The following RELN variants were observed in gnomAD, a reference collection of about 807,000 sequenced individuals.
The protein encoded by RELN is reelin.
RELN carries 108 observed loss-of-function variants against 427.6 expected under a neutral mutation model. The ratio of observed to expected loss-of-function variants is 0.25; its 90% confidence interval spans 0.22 to 0.30. The LOEUF is 0.30. Among genes scored for constraint, RELN ranks in the 10% least tolerant of loss-of-function variants. The pLI, the probability that RELN is intolerant of heterozygous loss-of-function variation, is 1.00. For synonymous variants in RELN, 1,524 were observed against 1,513.4 expected, an observed-to-expected ratio of 1.01 and a Z score of -0.16; for missense variants, 3,715 against 4,302.8, an observed-to-expected ratio of 0.86 and a Z score of 3.82.
chr7:103,845,081 C>T (rs1337532472), intron 2 of RELN, among the ~76,000 whole-genome samples: 1 of 152,092 alleles, frequency 6.6e-6, no homozygotes, highest in South Asian at 2.1e-4. Flanking sequence ...AATGTTTTGT[C>T]TAAATAACCT....
chr7:103,604,627 T>C, intron 22 of RELN, 144 bp from the exon 23 acceptor site: 2 of 778,860 alleles, frequency 2.6e-6, no homozygotes, highest in Non-Finnish European at 4.4e-6. Context: ...TAATTTCCAC[T>C]CAATTATTGT....
chr7:103,654,109 G>A lies in RELN; in HGVS notation c.1538C>T (p.Ser513Phe). The change falls in exon 13 of 65, where the codon TCC becomes TTC. Residue 513 changes from serine (S) to phenylalanine (F), a missense_variant. Ser to Phe is a radical substitution (Grantham distance 155). Coordinates refer to ENST00000428762, the MANE Select transcript of RELN (RefSeq NM_005045.4). ...RKEHITLDTL[S>F]YSSYKVPSLV... ...CATGTGTACCTTATATGAGGAATAG[G>A]AAAGGGTATCCAGTGTTATATGCTC... 1 of 1,581,454 alleles carries A rather than the reference G, an allele frequency of 6.3e-7. No individual in the cohort carries two copies. Among genetic ancestry groups the A allele is most frequent in the Non-Finnish European group, 8.7e-7 (1 of 1,150,878 alleles).
At chr7:103,564,230 G>C (rs982893106) in intron 34 of RELN, among the ~76,000 whole-genome samples, 4 of 152,168 alleles carry the variant, frequency 2.6e-5, no homozygotes, top group African/African-American at 9.7e-5. Context: ...AAATGTTTTG[G>C]CTTCCTGAAT....
intron 8 of RELN, among the ~76,000 whole-genome samples, chr7:103,708,238 C>A (rs570214351): frequency 3.3e-5 from 5 of 152,164 alleles, no homozygotes; most frequent in Non-Finnish European, 7.4e-5. Context: ...ATGAGTCGAC[C>A]AACTATTAAA....
At chr7:103,503,290 G>T in intron 51 of RELN, 60 bp from the exon 52 acceptor site, 2 of 1,491,308 alleles carry the variant, frequency 1.3e-6, no homozygotes, top group Non-Finnish European at 1.9e-6. Flanking sequence ...TCTTCTCCAA[G>T]GACTTGGCAG....
chr7:103,607,591 A>C (rs1831849226), intron 22 of RELN, among the ~76,000 whole-genome samples: 2 of 152,236 alleles, frequency 1.3e-5, no homozygotes, highest in Non-Finnish European at 2.9e-5. Context: ...ACTTGCATTT[A>C]AAATCTAAAC....
At position 103,983,863 on chromosome 7, in the gene RELN, CTGTGTGTG is replaced by C. The variant is rs59702742; in HGVS notation, c.226+5260_226+5267del. On this transcript the variant is annotated intron_variant, in intron 1 of 64. Transcript: ENST00000428762. ...ATGTGACACAAAGAACTTCATATTT[CTGTGTGTG>C]TGTGTGTGTGTGTGTGTGTGTGTGT... Among the ~76,000 whole-genome samples, 59 of 148,516 alleles carry C rather than the reference CTGTGTGTG, an allele frequency of 4.0e-4. No individual in the cohort carries two copies. The East Asian group carries it at 5.1e-3, about 13-fold the overall frequency.
At chr7:103,705,171 T>C (rs978515905) in intron 8 of RELN, among the ~76,000 whole-genome samples, 1 of 152,206 alleles carries the variant, frequency 6.6e-6, no homozygotes, top group Non-Finnish European at 1.5e-5. Flanking sequence ...AATATATGTA[T>C]ACATTCCAGA....
intron 1 of RELN, among the ~76,000 whole-genome samples, chr7:103,945,811 G>A (rs951368876): frequency 2.6e-5 from 4 of 152,036 alleles, no homozygotes; most frequent in African/African-American, 7.2e-5. Flanking sequence ...GGTATCTTTA[G>A]ATACACAAAC....
chr7:103,900,891 A>G (rs1172832171), intron 2 of RELN, among the ~76,000 whole-genome samples: 1 of 152,134 alleles, frequency 6.6e-6, no homozygotes, highest in Non-Finnish European at 1.5e-5. Context: ...TAAAAATCTT[A>G]GAAGAAAACC....
intron 2 of RELN, among the ~76,000 whole-genome samples, chr7:103,904,818 T>G (rs1212432831): frequency 1.3e-5 from 2 of 152,036 alleles, no homozygotes; most frequent in Non-Finnish European, 2.9e-5. Flanking sequence ...GACATAATAT[T>G]AAAATATATT....
In RELN at chr7:103,698,126, A is replaced by G. The variant is rs199757869; in HGVS notation, c.903-33T>C. ...ATACAGAGAGATGGCAAGTTTAGCA[A>G]TGCTGACTTTTTCTTTCTTAGAGAT... On this transcript the variant is annotated intron_variant, in intron 9 of 64. Coordinates refer to ENST00000428762, the MANE Select transcript of RELN (RefSeq NM_005045.4). The G allele has an allele frequency of 3.7e-6, 6 of 1,613,106 alleles. No individual in the cohort carries two copies. In the African/African-American group the frequency reaches 6.7e-5, roughly 18 times the overall value.
chr7:103,802,525 AAATTAAT>A (rs1382296140), intron 3 of RELN, among the ~76,000 whole-genome samples: 1 of 152,176 alleles, frequency 6.6e-6, no homozygotes, highest in Non-Finnish European at 1.5e-5. Context: ...ACCAGAATTT[AAATTAAT>A]TTAAACATAA....
At chr7:103,503,533 A>G (rs919466016) in intron 51 of RELN, among the ~76,000 whole-genome samples, 4 of 152,204 alleles carry the variant, frequency 2.6e-5, no homozygotes, top group Non-Finnish European at 4.4e-5. Flanking sequence ...ACAAACTGTT[A>G]GTTGTGCTAA....
At chr7:103,491,318 GA>G (rs1828642542) in intron 58 of RELN, among the ~76,000 whole-genome samples, 1 of 152,114 alleles carries the variant, frequency 6.6e-6, no homozygotes, top group South Asian at 2.1e-4. Context: ...AGAGGTAGTT[GA>G]AAATGAGTAA....
intron 19 of RELN, among the ~76,000 whole-genome samples, chr7:103,634,278 G>T (rs1281370103): frequency 4.6e-5 from 7 of 152,168 alleles, no homozygotes; most frequent in African/African-American, 1.4e-4. Context: ...AAGTGAAGTG[G>T]AATGTTACTC....
At chr7:103,899,415 A>G (rs1795033399) in intron 2 of RELN, among the ~76,000 whole-genome samples, 2 of 152,182 alleles carry the variant, frequency 1.3e-5, no homozygotes, top group Non-Finnish European at 1.5e-5. Flanking sequence ...CATTAGAAAA[A>G]GAAGGACTCC....
intron 5 of RELN, among the ~76,000 whole-genome samples, chr7:103,749,888 T>C (rs1196315686): frequency 6.6e-6 from 1 of 152,198 alleles, no homozygotes; most frequent in Non-Finnish European, 1.5e-5. Context: ...AATCCCCATA[T>C]ATCGTGGAAG....
chr7:103,628,673 C>A (rs115607351), intron 20 of RELN, among the ~76,000 whole-genome samples: 380 of 152,300 alleles, frequency 2.5e-3, no homozygotes, highest in African/African-American at 8.9e-3. Context: ...TTATGATATG[C>A]TCTCTGGAGG....
Sources: gnomAD v4.1 joint callset for allele counts (sites outside exome capture counted in the v4.1 genomes callset) on GRCh38, gnomAD v4.1.1 for gene constraint, MANE v1.5 for transcripts, NCBI Gene and HGNC (gene_info 2026-07-23, HGNC 2026-07-21) for gene names.